Variants in MGMT observed in about 807,000 individuals in gnomAD.
MGMT encodes O-6-methylguanine-DNA methyltransferase, also known as methylated-DNA--protein-cysteine methyltransferase.
In MGMT, 14 loss-of-function variants were observed where a neutral mutation model predicts 15.9. That is an observed-to-expected ratio of 0.88 (90% CI 0.58 to 1.37). The LOEUF is 1.37. Among genes scored for constraint, MGMT ranks in the 40% most tolerant of loss-of-function variants. The pLI, the probability that MGMT is intolerant of heterozygous loss-of-function variation, is 0.00. For missense variants in MGMT, 282 were observed against 268.1 expected (o/e 1.05, Z -0.36); for synonymous variants, 130 against 118.2 (o/e 1.10, Z -0.65).
intron 4 of MGMT, among the ~76,000 whole-genome samples, chr10:129,765,201 G>A (rs1848919659): frequency 6.6e-6 from 1 of 152,082 alleles, no homozygotes; most frequent in South Asian, 2.1e-4. Flanking sequence ...CTGCTCCCCA[G>A]GCGCCAGGAG....
At chr10:129,710,414 G>A (rs754763120) in intron 3 of MGMT, among the ~76,000 whole-genome samples, 2 of 152,222 alleles carry the variant, frequency 1.3e-5, no homozygotes, top group Non-Finnish European at 2.9e-5. Flanking sequence ...GCCTTCTCTC[G>A]AGGGTAGGGG....
chr10:129,767,064 G>C lies in MGMT; in HGVS notation c.*67G>C. 3.0e-6 allele frequency: 4 copies of C among 1,312,896 alleles called. No homozygotes were observed. The highest frequency in any genetic ancestry group is 4.1e-6 in the Non-Finnish European group (4 of 964,336). The allele number at this position is 1,312,896 out of a possible 1,614,324, so 81.3% of individuals were successfully genotyped here. ...AACACTGCATCGGATGCGGGGCGTG[G>C]AGGCACCGCTGTATTAAAGGAAGTG... On this transcript the variant is annotated 3_prime_UTR_variant, in exon 5 of 5. Transcript: ENST00000651593.
chr10:129,766,340 A>T (rs933379035), intron 4 of MGMT, among the ~76,000 whole-genome samples: 25 of 152,172 alleles, frequency 1.6e-4, no homozygotes, highest in African/African-American at 6.0e-4. Flanking sequence ...TGGGCTGGAG[A>T]GGCCCGTGCA....
At chr10:129,692,682 A>G (rs182619806) in intron 2 of MGMT, among the ~76,000 whole-genome samples, 89 of 152,316 alleles carry the variant, frequency 5.8e-4, no homozygotes, top group African/African-American at 2.0e-3. Context: ...CAGCGTGGCC[A>G]TGGCATCTGG....
At chr10:129,588,364 A>G (rs1401071539) in intron 2 of MGMT, among the ~76,000 whole-genome samples, 2 of 152,154 alleles carry the variant, frequency 1.3e-5, no homozygotes, top group East Asian at 3.8e-4. Flanking sequence ...AAACCACTGA[A>G]TCTGTGGTAA....
chr10:129,536,656 G>A (rs1446776550), intron 2 of MGMT: 2 of 291,808 alleles, frequency 6.9e-6, no homozygotes, highest in African/African-American at 4.3e-5. Context: ...TAAGGTGTAC[G>A]TTTACAGAGG....
chr10:129,687,792 C>T (rs547395107), intron 2 of MGMT, among the ~76,000 whole-genome samples: 4 of 151,720 alleles, frequency 2.6e-5, no homozygotes, highest in East Asian at 1.9e-4. Flanking sequence ...TGGTGTGCTG[C>T]ACCCATTAAC....
intron 1 of MGMT, among the ~76,000 whole-genome samples, chr10:129,529,633 T>G (rs911918275): frequency 2.0e-5 from 3 of 151,288 alleles, no homozygotes; most frequent in Non-Finnish European, 2.9e-5. Context: ...GATTTACTTG[T>G]GTGTGTTTTC....
chr10:129,702,215 C>T (rs1447964983), intron 2 of MGMT: 1 of 152,158 alleles, frequency 6.6e-6, no homozygotes, highest in African/African-American at 2.4e-5. Flanking sequence ...TTTAAGGAAC[C>T]CCTGGCATTG....
chr10:129,479,048 A>G (rs543556599), intron 1 of MGMT, among the ~76,000 whole-genome samples: 1 of 152,298 alleles, frequency 6.6e-6, no homozygotes, highest in East Asian at 1.9e-4. Flanking sequence ...GATTTCTTAC[A>G]TTTCGTAAAC....
intron 2 of MGMT, among the ~76,000 whole-genome samples, chr10:129,614,020 C>T (rs571261903): frequency 1.1e-4 from 16 of 152,260 alleles, no homozygotes; most frequent in African/African-American, 3.4e-4. Context: ...GCATTCACAC[C>T]GTCGTGCAGC....
intron 1 of MGMT, among the ~76,000 whole-genome samples, chr10:129,524,486 T>G (rs1188983321): frequency 2.0e-5 from 3 of 152,008 alleles, no homozygotes; most frequent in African/African-American, 7.3e-5. Context: ...TTCATATAGA[T>G]TTTTCTTTGG....
At chr10:129,581,798 C>T (rs562951271) in intron 2 of MGMT, among the ~76,000 whole-genome samples, 10 of 152,192 alleles carry the variant, frequency 6.6e-5, no homozygotes, top group African/African-American at 9.6e-5. Context: ...GCCCAGTGGC[C>T]GTCCCGTCCT....
chr10:129,754,436 C>G lies in MGMT; in HGVS notation c.275-4766C>G, dbSNP rs113099268. ...CCCATCAGAAAGGGACCATCTCCCC[C>G]TCACTGGTTTGGGCTCCTGCGGCCC... is the stretch of plus-strand genomic sequence containing the variant. On this transcript the variant is annotated intron_variant, in intron 3 of 4. Transcript: ENST00000651593. Among the ~76,000 whole-genome samples, 5 of 152,302 alleles carry G rather than the reference C, an allele frequency of 3.3e-5. 1 individual carries two copies. Among genetic ancestry groups the G allele is most frequent in the African/African-American group, 1.2e-4 (5 of 41,572 alleles).
chr10:129,615,413 A>G (rs1847013614), intron 2 of MGMT, among the ~76,000 whole-genome samples: 1 of 151,680 alleles, frequency 6.6e-6, no homozygotes, highest in South Asian at 2.1e-4. Context: ...TGGTTATTTT[A>G]CTCAGATCTC....
intron 1 of MGMT, among the ~76,000 whole-genome samples, chr10:129,477,579 A>G (rs976516767): frequency 2.8e-5 from 4 of 141,354 alleles, no homozygotes; most frequent in Non-Finnish European, 4.4e-5. Flanking sequence ...TTTTCTTAGA[A>G]GAGAAAGAGA....
chr10:129,498,250 G>A (rs918200486), intron 1 of MGMT, among the ~76,000 whole-genome samples: 1 of 152,202 alleles, frequency 6.6e-6, no homozygotes, highest in Admixed American at 6.5e-5. Flanking sequence ...ACTGGGTATG[G>A]TGAATCTCTT....
intron 2 of MGMT, among the ~76,000 whole-genome samples, chr10:129,626,488 G>C (rs988739280): frequency 1.3e-5 from 2 of 152,216 alleles, no homozygotes; most frequent in African/African-American, 4.8e-5. Context: ...ATGCCCTGGA[G>C]CTGGCTCCAG....
intron 2 of MGMT, among the ~76,000 whole-genome samples, chr10:129,685,339 G>A (rs1264880508): frequency 1.3e-5 from 2 of 152,164 alleles, no homozygotes; most frequent in Non-Finnish European, 2.9e-5. Flanking sequence ...GCCTGGCCTG[G>A]GCAGCTGTCC....
Sources: gnomAD v4.1 joint callset for allele counts (sites outside exome capture counted in the v4.1 genomes callset) on GRCh38, gnomAD v4.1.1 for gene constraint, MANE v1.5 for transcripts, NCBI Gene and HGNC (gene_info 2026-07-23, HGNC 2026-07-21) for gene names.